Variants in PCDHA10 observed in about 807,000 individuals in gnomAD.
PCDHA10 encodes the protein protocadherin alpha-10.
Under a neutral mutation model 61.2 loss-of-function variants are expected in PCDHA10, and 45 were observed. That is an observed-to-expected ratio of 0.74 (90% CI 0.58 to 0.94). The LOEUF (loss-of-function observed/expected upper bound fraction) is 0.94. Among genes scored for constraint, PCDHA10 ranks in the 40% least tolerant of loss-of-function variants. The pLI is 0.00. For missense variants in PCDHA10, 1,278 were observed against 1,236.2 expected, an observed-to-expected ratio of 1.03 and a Z score of -0.51; for synonymous variants, 602 against 548.8, an observed-to-expected ratio of 1.10 and a Z score of -1.35.
chr5:140,877,689 G>A (rs1554169989), intron 1 of PCDHA10: 2 of 1,613,914 alleles, frequency 1.2e-6, no homozygotes, highest in Non-Finnish European at 8.5e-7. Flanking sequence ...AGCCCACGCT[G>A]GTGTGCTCCA....
chr5:140,856,077 T>A lies in PCDHA10; in HGVS notation c.29T>A (p.Val10Asp). 6.3e-7 allele frequency: 1 copy of A among 1,593,712 alleles called. No homozygotes were observed. Among genetic ancestry groups the A allele is most frequent in the South Asian group, 1.1e-5 (1 of 90,234 alleles). MVSRCSCLG[V>D]QCLLLSLLLL... Reference sequence around the variant, plus strand: ...GTTTCCAGATGTAGCTGCCTGGGGGTCCAGTGTCTGCTGCTCTCGCTTCTT... The same window carrying A: ...GTTTCCAGATGTAGCTGCCTGGGGGACCAGTGTCTGCTGCTCTCGCTTCTT... Residue 10 changes from valine to aspartate, a missense_variant, in exon 1 of 4, where the codon GTC becomes GAC. Physicochemically the swap from Val to Asp is radical, Grantham distance 152. Coordinates refer to ENST00000307360, the MANE Select transcript of PCDHA10 (RefSeq NM_018901.4).
Position 140,982,684 on chromosome 5 carries a change from T to C in PCDHA10, c.2536+121T>C. Reference sequence around the variant, plus strand: ...TTTTATATTTTTGTTATTCCCTTTTTTCCATACATACATGATTTCCTTACA... The same window carrying C: ...TTTTATATTTTTGTTATTCCCTTTTCTCCATACATACATGATTTCCTTACA... On this transcript the variant is annotated intron_variant, in intron 3 of 3. Transcript: ENST00000307360. The C allele has an allele frequency of 2.8e-6, 4 of 1,425,176 alleles. No individual in the cohort carries two copies. In the South Asian group the frequency reaches 6.0e-5, roughly 21 times the overall value. 88.3% of individuals were successfully genotyped at this position (1,425,176 alleles called of 1,614,324 possible).
At chr5:140,966,543 A>T (rs200134570) in intron 1 of PCDHA10, 4 of 461,074 alleles carry the variant, frequency 8.7e-6, no homozygotes, top group Non-Finnish European at 1.5e-5. Context: ...AGCGACTCGG[A>T]GGCGAGCGGA....
chr5:140,966,529 G>C (rs1382443921), intron 1 of PCDHA10: 5 of 446,974 alleles, frequency 1.1e-5, no homozygotes, highest in Non-Finnish European at 1.9e-5. Flanking sequence ...GCCGAGCCGG[G>C]TTGAGCGACT....
intron 1 of PCDHA10, chr5:140,876,770 C>T (rs2056573777): frequency 6.2e-7 from 1 of 1,614,248 alleles, no homozygotes; most frequent in Non-Finnish European, 8.5e-7. Context: ...GGGGGCTCGC[C>T]TTCGCTGTGG....
intron 3 of PCDHA10, among the ~76,000 whole-genome samples, chr5:140,991,069 G>T (rs1156985445): frequency 6.6e-6 from 1 of 152,136 alleles, no homozygotes; most frequent in Non-Finnish European, 1.5e-5. Flanking sequence ...TTATTCCCAT[G>T]TTTCAGATAA....
chr5:140,872,999 T>C (rs534267052), intron 1 of PCDHA10, among the ~76,000 whole-genome samples: 3 of 152,296 alleles, frequency 2.0e-5, no homozygotes, highest in African/African-American at 7.2e-5. Context: ...TACTTCTGAG[T>C]CATTCTTCAT....
In PCDHA10 at chr5:140,856,432, C is replaced by T. The variant is rs782418117; in HGVS notation, c.384C>T (p.Asn128=). The change falls in exon 1 of 4, where the codon AAC becomes AAT. Residue 128 remains asparagine (N), a synonymous_variant. Transcript: ENST00000307360. ...TGGAAGTGAAGGACATTAACGACAA[C>T]CCGCCCAGGTTCTCCGTAACAGAAC... ...VDVEVKDIND[N]PPRFSVTEQK... 1.9e-6 allele frequency: 3 copies of T among 1,598,272 alleles called. No individual in the cohort carries two copies. In the African/African-American group the frequency reaches 4.0e-5, roughly 22 times the overall value.
At chr5:140,965,314 T>C (rs563123453) in intron 1 of PCDHA10, among the ~76,000 whole-genome samples, 1 of 152,254 alleles carries the variant, frequency 6.6e-6, no homozygotes, top group East Asian at 1.9e-4. Flanking sequence ...TACCTTCTCT[T>C]TTACTGAAGT....
chr5:140,879,123 G>C (rs895703047), intron 1 of PCDHA10, among the ~76,000 whole-genome samples: 18 of 152,310 alleles, frequency 1.2e-4, no homozygotes, highest in South Asian at 4.1e-4. Context: ...AAGGATTAGA[G>C]CAGGGGAGAT....
At chr5:140,923,826 T>A (rs2081533545) in intron 1 of PCDHA10, among the ~76,000 whole-genome samples, 1 of 152,218 alleles carries the variant, frequency 6.6e-6, no homozygotes, top group East Asian at 1.9e-4. Context: ...TAGACGTCAG[T>A]GGCAGTTTAA....
At chr5:140,871,833 T>G (rs2053334975) in intron 1 of PCDHA10, among the ~76,000 whole-genome samples, 1 of 152,282 alleles carries the variant, frequency 6.6e-6, no homozygotes, top group African/African-American at 2.4e-5. Flanking sequence ...CCTTCATCTC[T>G]AAACTTCAAT....
chr5:140,862,448 C>A (rs2047370091), intron 1 of PCDHA10: 1 of 362,316 alleles, frequency 2.8e-6, no homozygotes. Flanking sequence ...TACTCCACAG[C>A]GCCCTGGACC....
In PCDHA10 at chr5:141,009,850, C is replaced by A; in HGVS notation, c.2760C>A (p.Thr920=). The A allele has an allele frequency of 1.2e-6, 2 of 1,613,572 alleles. No individual in the cohort carries two copies. Among genetic ancestry groups the A allele is most frequent in the Non-Finnish European group, 1.7e-6 (2 of 1,179,906 alleles). ...DFITFGKKEE[T]KKKKKKKKGN... ...TAACCTTCGGCAAAAAGGAGGAGAC[C>A]AAGAAAAAGAAGAAAAAGAAGAAGG... The change falls in exon 4 of 4, where the codon ACC becomes ACA. Residue 920 remains threonine (T), a synonymous_variant. Coordinates refer to ENST00000307360, the MANE Select transcript of PCDHA10 (RefSeq NM_018901.4).
At chr5:140,887,757 C>T (rs1303665192) in intron 1 of PCDHA10, among the ~76,000 whole-genome samples, 16 of 152,166 alleles carry the variant, frequency 1.1e-4, no homozygotes, top group Admixed American at 9.8e-4. Flanking sequence ...TCCAGTAACA[C>T]ATATGTTACA....
chr5:140,967,367 C>A (rs1390450808), intron 1 of PCDHA10: 1 of 1,607,250 alleles, frequency 6.2e-7, no homozygotes, highest in Non-Finnish European at 8.5e-7. Flanking sequence ...TAAGCCCCTG[C>A]AGGAGAACAG....
chr5:140,876,953 T>G (rs1455444799), intron 1 of PCDHA10: 6 of 1,613,306 alleles, frequency 3.7e-6, no homozygotes, highest in African/African-American at 1.3e-5. Flanking sequence ...TCCTACTCGC[T>G]GGTGGAGCGG....
At chr5:140,954,692 C>T (rs1428031536) in intron 1 of PCDHA10, among the ~76,000 whole-genome samples, 10 of 151,966 alleles carry the variant, frequency 6.6e-5, no homozygotes, top group African/African-American at 2.4e-4. Flanking sequence ...GATGGATAGA[C>T]TACAAAATTT....
chr5:140,993,238 T>A (rs896841031), intron 3 of PCDHA10, among the ~76,000 whole-genome samples: 1 of 152,182 alleles, frequency 6.6e-6, no homozygotes, highest in African/African-American at 2.4e-5. Context: ...TCTCTGAATC[T>A]GGGGATTTAG....
Sources: allele counts gnomAD v4.1 joint callset (sites outside exome capture counted in the v4.1 genomes callset), GRCh38; gene constraint gnomAD v4.1.1; transcripts MANE v1.5; gene names NCBI Gene and HGNC (gene_info 2026-07-23, HGNC 2026-07-21).